Variants in CLSTN2 observed in about 807,000 individuals in gnomAD.
The protein encoded by CLSTN2 is calsyntenin 2, also known as calsyntenin-2.
In CLSTN2, 48 loss-of-function variants were observed where a neutral mutation model predicts 101.2. The ratio of observed to expected loss-of-function variants is 0.47; its 90% CI spans 0.38 to 0.60. The LOEUF is 0.60. CLSTN2 is among the 20% of genes least tolerant of loss of function. The pLI is 0.00. For missense variants in CLSTN2, 1,160 were observed against 1,238.2 expected, an observed-to-expected ratio of 0.94 and a Z score of 0.95; for synonymous variants, 481 against 463.6, an observed-to-expected ratio of 1.04 and a Z score of -0.48.
chr3:140,497,878 G>GT (rs35085543), intron 8 of CLSTN2, among the ~76,000 whole-genome samples: 11 of 152,302 alleles, frequency 7.2e-5, no homozygotes, highest in Admixed American at 2.0e-4. Flanking sequence ...GAAGAAGCCT[G>GT]TTTTTCCGGG....
At chr3:140,270,103 T>C (rs1434297530) in intron 2 of CLSTN2, among the ~76,000 whole-genome samples, 1 of 152,180 alleles carries the variant, frequency 6.6e-6, no homozygotes, top group Non-Finnish European at 1.5e-5. Flanking sequence ...TTTTGATGAA[T>C]GAACATGCTG....
intron 2 of CLSTN2, among the ~76,000 whole-genome samples, chr3:140,349,856 A>C (rs976596725): frequency 6.6e-6 from 1 of 152,156 alleles, no homozygotes; most frequent in Admixed American, 6.5e-5. Flanking sequence ...CTGTTTCACC[A>C]TCACTCTGTC....
At chr3:139,998,509 A>C (rs1187948727) in intron 1 of CLSTN2, among the ~76,000 whole-genome samples, 1 of 146,908 alleles carries the variant, frequency 6.8e-6, no homozygotes, top group East Asian at 2.0e-4. Flanking sequence ...CGCCTGGCTA[A>C]TTTTTTTTGT....
Position 140,558,765 on chromosome 3 carries a change from TTGAAAGTGCCAGGGGAG to T in CLSTN2, c.1953_1969del (p.Glu651AspfsTer5). The T allele has an allele frequency of 6.2e-7, 1 of 1,614,044 alleles. No homozygotes were observed. The highest frequency in any genetic ancestry group is 8.5e-7 in the Non-Finnish European group (1 of 1,180,000). On this transcript the variant is annotated frameshift_variant, in exon 12 of 17. Transcript: ENST00000458420. LOFTEE classifies it high-confidence loss of function. ...CACTTCTGGAGACCTGCTGCCCAGT[TTGAAAGTGCCAGGGGAG>T]TGACCCTCTTCCCTGATATCAAGAT...
chr3:139,948,846 T>C (rs1935251188), intron 1 of CLSTN2, among the ~76,000 whole-genome samples: 1 of 152,208 alleles, frequency 6.6e-6, no homozygotes, highest in African/African-American at 2.4e-5. Context: ...AAAAGGCCCT[T>C]AGTTGGTGCC....
intron 2 of CLSTN2, among the ~76,000 whole-genome samples, chr3:140,240,170 CTCTCTATATATA>C (rs1424958603): frequency 4.4e-4 from 7 of 16,038 alleles, no homozygotes; most frequent in African/African-American, 5.9e-4. Context: ...CTCTCTCTCT[CTCTCTATATATA>C]TATATATATA....
chr3:140,490,909 A>G (rs1189741136), intron 8 of CLSTN2, among the ~76,000 whole-genome samples: 4 of 152,156 alleles, frequency 2.6e-5, no homozygotes, highest in African/African-American at 7.2e-5. Flanking sequence ...ACTGCACTTG[A>G]TCACTAAGGG....
At chr3:139,985,137 C>T (rs1341302762) in intron 1 of CLSTN2, among the ~76,000 whole-genome samples, 1 of 152,190 alleles carries the variant, frequency 6.6e-6, no homozygotes, top group Non-Finnish European at 1.5e-5. Flanking sequence ...ACAATTCACT[C>T]TCCGTAGGCA....
At chr3:140,017,097 C>G (rs549885558) in intron 1 of CLSTN2, among the ~76,000 whole-genome samples, 2 of 152,128 alleles carry the variant, frequency 1.3e-5, no homozygotes, top group African/African-American at 4.8e-5. Flanking sequence ...CAGTTACATG[C>G]CTGTGGTGTG....
chr3:140,446,985 A>G (rs549702833), intron 5 of CLSTN2, among the ~76,000 whole-genome samples: 1 of 152,098 alleles, frequency 6.6e-6, no homozygotes, highest in Non-Finnish European at 1.5e-5. Flanking sequence ...ACCCTGAACA[A>G]ATGGTTGCTC....
intron 11 of CLSTN2, among the ~76,000 whole-genome samples, chr3:140,557,923 A>G (rs963546261): frequency 1.3e-5 from 2 of 152,168 alleles, no homozygotes; most frequent in Non-Finnish European, 2.9e-5. Flanking sequence ...CTTCTTTTCT[A>G]TATATGTCTG....
intron 1 of CLSTN2, among the ~76,000 whole-genome samples, chr3:140,035,904 C>T (rs1292084612): frequency 6.6e-6 from 1 of 152,190 alleles, no homozygotes; most frequent in Non-Finnish European, 1.5e-5. Context: ...TCTTTTCTCC[C>T]TGTGCATTTT....
intron 2 of CLSTN2, among the ~76,000 whole-genome samples, chr3:140,211,450 C>A (rs916268240): frequency 4.9e-4 from 56 of 114,142 alleles, no homozygotes; most frequent in African/African-American, 1.6e-3. Context: ...TATTATTTAT[C>A]AAAAATCACT....
intron 5 of CLSTN2, among the ~76,000 whole-genome samples, chr3:140,423,129 T>C (rs1242132580): frequency 6.6e-6 from 1 of 152,254 alleles, no homozygotes; most frequent in African/African-American, 2.4e-5. Flanking sequence ...ATGAGGCACC[T>C]ACAGATGTGT....
chr3:140,424,026 G>C (rs1263735190), intron 5 of CLSTN2, among the ~76,000 whole-genome samples: 1 of 152,178 alleles, frequency 6.6e-6, no homozygotes, highest in Non-Finnish European at 1.5e-5. Context: ...AAGTAAAATT[G>C]CTTTGCTGAG....
At chr3:140,062,242 C>A (rs2008219420) in intron 1 of CLSTN2, among the ~76,000 whole-genome samples, 1 of 152,122 alleles carries the variant, frequency 6.6e-6, no homozygotes, top group East Asian at 1.9e-4. Context: ...CTGAGAAGCA[C>A]CTCTTTCTGG....
intron 1 of CLSTN2, among the ~76,000 whole-genome samples, chr3:140,001,912 T>G (rs2006849717): frequency 1.3e-5 from 2 of 152,222 alleles, no homozygotes; most frequent in Admixed American, 1.3e-4. Context: ...ACTTACATAA[T>G]GACCTCCAGT....
At chr3:140,246,891 G>T (rs1051967221) in intron 2 of CLSTN2, among the ~76,000 whole-genome samples, 1 of 152,074 alleles carries the variant, frequency 6.6e-6, no homozygotes, top group Non-Finnish European at 1.5e-5. Flanking sequence ...AATTCAGATG[G>T]ACTTGGGACC....
intron 4 of CLSTN2, among the ~76,000 whole-genome samples, chr3:140,415,486 C>CAAAAAAAAAAAAAAAAACAA (rs2088419343): frequency 1.8e-5 from 1 of 56,868 alleles, no homozygotes; most frequent in Non-Finnish European, 3.0e-5. Flanking sequence ...CACAAAATAG[C>CAAAAAAAAAAAAAAAAACAA]AAAAAAAAAA....
Sources: gnomAD v4.1 joint callset for allele counts (sites outside exome capture counted in the v4.1 genomes callset) on GRCh38, gnomAD v4.1.1 for gene constraint, MANE v1.5 for transcripts, NCBI Gene and HGNC (gene_info 2026-07-23, HGNC 2026-07-21) for gene names.